The following SVIL variants were observed in gnomAD, a reference collection of about 807,000 sequenced individuals.
The protein encoded by SVIL is archvillin.
A neutral mutation model predicts 240.4 loss-of-function variants in SVIL; 101 were observed. That is an observed-to-expected ratio of 0.42 (90% CI 0.36 to 0.50). The LOEUF (loss-of-function observed/expected upper bound fraction) is 0.50, where lower values mean the gene tolerates loss of function less well. SVIL is among the 20% of genes least tolerant of loss of function. The probability of loss-of-function intolerance (pLI) is 0.01; values close to 1 mark genes in which losing one functional copy is unlikely to be tolerated. For missense variants in SVIL, 2,512 were observed against 2,818.7 expected (o/e 0.89, Z 2.46); for synonymous variants, 999 against 1,100.0 (o/e 0.91, Z 1.82).
At chr10:29,471,444 CT>C (rs1945573706) in intron 30 of SVIL, among the ~76,000 whole-genome samples, 1 of 152,190 alleles carries the variant, frequency 6.6e-6, no homozygotes, top group Non-Finnish European at 1.5e-5. Context: ...GGAGGGTCTT[CT>C]TTTCCTAAAC....
chr10:29,487,204 G>A lies in SVIL; in HGVS notation c.4444C>T (p.Leu1482=), dbSNP rs781564406. Reference sequence around the variant, plus strand: ...ACGTTTGCAAACTCTCCTACCCACAGGAAGCAGCAGTGGGGAGAGAGCAGG... The same window carrying A: ...ACGTTTGCAAACTCTCCTACCCACAAGAAGCAGCAGTGGGGAGAGAGCAGG... ...FLLLSPHCCF[L]WVGEFANVIE... is the part of the protein sequence containing the mutation. Residue 1482 remains leucine, a synonymous_variant, in exon 24 of 38, where the codon CTG becomes TTG. Coordinates refer to ENST00000355867, the MANE Select transcript of SVIL (RefSeq NM_021738.3). 36 of 1,613,974 alleles carry A rather than the reference G, an allele frequency of 2.2e-5. No homozygotes were observed. Among genetic ancestry groups the A allele is most frequent in the Non-Finnish European group, 2.8e-5 (33 of 1,179,998 alleles).
At chr10:29,471,725 A>G (rs1261526660) in intron 30 of SVIL, among the ~76,000 whole-genome samples, 1 of 152,196 alleles carries the variant, frequency 6.6e-6, no homozygotes. Flanking sequence ...GGCCTGTTAG[A>G]GAAGGCTCTT....
At chr10:29,468,346 C>A (rs1466585223) in intron 32 of SVIL, among the ~76,000 whole-genome samples, 1 of 151,922 alleles carries the variant, frequency 6.6e-6, no homozygotes, top group East Asian at 1.9e-4. Context: ...TTTTTTTCAT[C>A]CATTAATATG....
chr10:29,559,881 C>T (rs1158851284), intron 3 of SVIL, among the ~76,000 whole-genome samples: 3 of 152,206 alleles, frequency 2.0e-5, no homozygotes, highest in Non-Finnish European at 2.9e-5. Flanking sequence ...ATAGGCTTTG[C>T]AATAAGACTA....
At chr10:29,568,016 CAAAAAAAAAAACA>C (rs1290548184) in intron 2 of SVIL, among the ~76,000 whole-genome samples, 1 of 83,808 alleles carries the variant, frequency 1.2e-5, no homozygotes, top group African/African-American at 3.8e-5. Flanking sequence ...GACTCCGTCT[CAAAAAAAAAAACA>C]AAAAAAAAAA....
At chr10:29,471,561 G>A (rs1278802478) in intron 30 of SVIL, among the ~76,000 whole-genome samples, 1 of 152,106 alleles carries the variant, frequency 6.6e-6, no homozygotes, top group Non-Finnish European at 1.5e-5. Flanking sequence ...TATTTTAATG[G>A]TATTCTGTGG....
intron 1 of SVIL, among the ~76,000 whole-genome samples, chr10:29,696,408 T>C (rs1374577269): frequency 3.4e-5 from 5 of 146,054 alleles, no homozygotes; most frequent in East Asian, 2.2e-4. Flanking sequence ...TCTGCCTGGC[T>C]GCCCATCGTC....
chr10:29,673,412 T>A (rs1959940038), intron 2 of SVIL, among the ~76,000 whole-genome samples: 1 of 152,136 alleles, frequency 6.6e-6, no homozygotes, highest in Non-Finnish European at 1.5e-5. Context: ...TGTATTTGTA[T>A]TAGTCCATTT....
intron 1 of SVIL, among the ~76,000 whole-genome samples, chr10:29,702,654 T>A (rs900303933): frequency 1.3e-5 from 2 of 152,202 alleles, no homozygotes; most frequent in Admixed American, 6.5e-5. Context: ...AGTTCAAAAC[T>A]TATTACAGAG....
At chr10:29,573,860 TA>T (rs1311476619) in intron 1 of SVIL, among the ~76,000 whole-genome samples, 5 of 152,096 alleles carry the variant, frequency 3.3e-5, no homozygotes, top group Non-Finnish European at 7.3e-5. Context: ...CATGCCCAAC[TA>T]ATTTTTGTAT....
chr10:29,659,311 G>A (rs769331655), intron 2 of SVIL, among the ~76,000 whole-genome samples: 3 of 152,164 alleles, frequency 2.0e-5, no homozygotes, highest in Non-Finnish European at 4.4e-5. Context: ...GTGGCTTTGG[G>A]AAGTCTTTTG....
chr10:29,633,625 C>A (rs1307074115), intron 1 of SVIL, among the ~76,000 whole-genome samples: 1 of 151,966 alleles, frequency 6.6e-6, no homozygotes, highest in Non-Finnish European at 1.5e-5. Context: ...ATAATGACTG[C>A]CCGTACTTGT....
At position 29,473,888 on chromosome 10, in the gene SVIL, C is replaced by A. The variant is rs1945868653; in HGVS notation, c.5479G>T (p.Gly1827Cys). ...TCCACCGTCATCAGCGCCGACGTGC[C>A]CTTCTCACTCACGGTGGAGTGCCGG... ...QGRHSTVSEK[G>C]TSALMTVELD... The change falls in exon 30 of 38, where the codon GGC becomes TGC. Residue 1827 changes from glycine (G) to cysteine (C), a missense_variant. Physicochemically the swap from Gly to Cys is radical, Grantham distance 159. Transcript: ENST00000355867. The A allele has an allele frequency of 1.2e-6, 2 of 1,613,940 alleles. No individual in the cohort carries two copies. Among genetic ancestry groups the A allele is most frequent in the Non-Finnish European group, 1.7e-6 (2 of 1,180,026 alleles).
At chr10:29,647,456 T>G (rs1958695434) in intron 3 of SVIL, among the ~76,000 whole-genome samples, 1 of 152,196 alleles carries the variant, frequency 6.6e-6, no homozygotes, top group South Asian at 2.1e-4. Flanking sequence ...GGCCAAAGAA[T>G]GTTTTAAAAG....
At chr10:29,610,264 AC>A (rs1957192605) in intron 1 of SVIL, among the ~76,000 whole-genome samples, 2 of 151,950 alleles carry the variant, frequency 1.3e-5, no homozygotes, top group South Asian at 2.1e-4. Context: ...AGAATCTGAG[AC>A]TTGTACAATC....
intron 1 of SVIL, among the ~76,000 whole-genome samples, chr10:29,718,298 C>T (rs1470996090): frequency 1.3e-5 from 2 of 151,476 alleles, no homozygotes; most frequent in Non-Finnish European, 2.9e-5. Context: ...TGCACTCCAG[C>T]CTGGGCAACA....
intron 17 of SVIL, among the ~76,000 whole-genome samples, chr10:29,500,959 G>C (rs184722728): frequency 1.3e-5 from 2 of 152,124 alleles, no homozygotes. Context: ...GAGGAAAGGC[G>C]CCTTCCCTTC....
intron 1 of SVIL, among the ~76,000 whole-genome samples, chr10:29,604,943 G>A (rs897189727): frequency 2.6e-5 from 4 of 152,146 alleles, no homozygotes; most frequent in Non-Finnish European, 5.9e-5. Flanking sequence ...ACAGGATTAG[G>A]TTCTATCTGC....
At chr10:29,720,435 G>A (rs778581514) in intron 1 of SVIL, among the ~76,000 whole-genome samples, 33 of 151,970 alleles carry the variant, frequency 2.2e-4, no homozygotes, top group Non-Finnish European at 4.6e-4. Context: ...TTAGCACATG[G>A]TACTTATAAA....
Sources: allele counts gnomAD v4.1 joint callset (sites outside exome capture counted in the v4.1 genomes callset), GRCh38; gene constraint gnomAD v4.1.1; transcripts MANE v1.5; gene names NCBI Gene and HGNC (gene_info 2026-07-23, HGNC 2026-07-21).